Variants in MARCHF3 observed in about 807,000 individuals in gnomAD.
The protein encoded by MARCHF3 is E3 ubiquitin-protein ligase MARCHF3.
MARCHF3 carries 13 observed loss-of-function variants against 24.2 expected under a neutral mutation model. That is an observed-to-expected ratio of 0.54 (90% CI 0.35 to 0.85). The LOEUF is 0.85. MARCHF3 is among the 40% of genes least tolerant of loss of function. MARCHF3 has a pLI of 0.01. For synonymous variants in MARCHF3, 144 were observed against 137.3 expected, an observed-to-expected ratio of 1.05 and a Z score of -0.34; for missense variants, 276 against 325.0, an observed-to-expected ratio of 0.85 and a Z score of 1.16.
At chr5:126,972,245 TA>T (rs747060453) in intron 1 of MARCHF3, among the ~76,000 whole-genome samples, 2,818 of 58,694 alleles carry the variant, frequency 0.048, 72 homozygotes, top group African/African-American at 0.12. Flanking sequence ...ATTAAAGAAC[TA>T]AAAAAAAAAA....
intron 4 of MARCHF3, among the ~76,000 whole-genome samples, chr5:126,873,255 T>G (rs895706564): frequency 5.9e-5 from 9 of 152,080 alleles, no homozygotes. Context: ...TCCTTGTTTG[T>G]AAGATGTGAA....
intron 1 of MARCHF3, among the ~76,000 whole-genome samples, chr5:126,954,106 C>T (rs1750347409): frequency 6.6e-6 from 1 of 151,964 alleles, no homozygotes; most frequent in African/African-American, 2.4e-5. Flanking sequence ...AATCTCCGCT[C>T]ACTGCAAGCT....
chr5:126,994,461 C>T (rs1466830557), intron 1 of MARCHF3, among the ~76,000 whole-genome samples: 2 of 152,078 alleles, frequency 1.3e-5, no homozygotes, highest in Non-Finnish European at 2.9e-5. Context: ...ATGCATTTGT[C>T]AAAATGTATA....
intron 1 of MARCHF3, among the ~76,000 whole-genome samples, chr5:126,922,512 T>TTTATTTATTTA (rs1554065919): frequency 7.0e-6 from 1 of 142,820 alleles, no homozygotes; most frequent in Non-Finnish European, 1.5e-5. Context: ...CATTTCTGTC[T>TTTATTTATTTA]TTTATTTATT....
At chr5:126,931,246 T>G (rs1162707865) in intron 1 of MARCHF3, among the ~76,000 whole-genome samples, 1 of 152,162 alleles carries the variant, frequency 6.6e-6, no homozygotes, top group Non-Finnish European at 1.5e-5. Context: ...TGTTGTTGTT[T>G]TTTGGTTTTT....
chr5:126,870,470 T>G lies in MARCHF3; in HGVS notation c.*163A>C. The stretch of plus-strand genomic sequence containing the variant: ...TTGAAGTAAAACAGCATTTGCTTTC[T>G]TCTGGCGGAGGTTGTTGCTTGGAGT... On this transcript the variant is annotated 3_prime_UTR_variant, in exon 5 of 5. Transcript: ENST00000308660. 1.8e-6 allele frequency: 1 copy of G among 565,820 alleles called. No homozygotes were observed. The highest frequency in any genetic ancestry group is 3.2e-6 in the Non-Finnish European group (1 of 316,906). 35.0% of individuals were successfully genotyped at this position (565,820 alleles called of 1,614,324 possible). A position where few individuals can be genotyped will look rare whatever the true frequency, so the allele number is the denominator to read the frequency against.
intron 1 of MARCHF3, among the ~76,000 whole-genome samples, chr5:127,000,362 T>C (rs372478540): frequency 1.3e-5 from 2 of 152,186 alleles, no homozygotes; most frequent in African/African-American, 4.8e-5. Flanking sequence ...TGTTGGACAG[T>C]TCAGTGGGCC....
intron 1 of MARCHF3, chr5:126,946,232 T>A (rs1580669487): frequency 6.6e-6 from 1 of 151,766 alleles, no homozygotes; most frequent in East Asian, 1.9e-4. Context: ...ATTAGCCAGG[T>A]GTGGTGGCAA....
intron 1 of MARCHF3, 105 bp from the exon 2 acceptor site, chr5:126,918,332 C>T (rs1012703324): frequency 2.8e-6 from 2 of 707,792 alleles, no homozygotes; most frequent in Non-Finnish European, 4.6e-6. Flanking sequence ...ATACAAATAA[C>T]AGGGGTAGCC....
chr5:127,016,812 T>C (rs889970624), intron 1 of MARCHF3, among the ~76,000 whole-genome samples: 4 of 152,166 alleles, frequency 2.6e-5, no homozygotes, highest in African/African-American at 9.7e-5. Flanking sequence ...AACACCTATA[T>C]GTATTGCGGC....
At chr5:126,978,384 T>C (rs975699432) in intron 1 of MARCHF3, among the ~76,000 whole-genome samples, 3 of 151,630 alleles carry the variant, frequency 2.0e-5, no homozygotes, top group African/African-American at 4.9e-5. Flanking sequence ...TGTTGAAGAA[T>C]AGGGAAAGAG....
At chr5:126,952,747 G>A (rs933647025) in intron 1 of MARCHF3, among the ~76,000 whole-genome samples, 5 of 151,876 alleles carry the variant, frequency 3.3e-5, no homozygotes, top group Admixed American at 6.6e-5. Context: ...CTTCAGTTGG[G>A]GAAACTGGCC....
At position 126,868,198 on chromosome 5, in the gene MARCHF3, AG is replaced by A. The variant is rs946311132; in HGVS notation, c.*2434del. 6 of 151,896 alleles carry A rather than the reference AG, an allele frequency of 4.0e-5. No individual in the cohort carries two copies. Among genetic ancestry groups the A allele is most frequent in the Admixed American group, 2.6e-4 (4 of 15,276 alleles). 9.4% of individuals were successfully genotyped at this position (151,896 alleles called of 1,614,324 possible). A position where few individuals can be genotyped will look rare whatever the true frequency, so the allele number is the denominator to read the frequency against. ...AACAAAAGGCACCCCTTCCTGCAGG[AG>A]GTGTAGCCCTTTCCATGGGGCAAGG... On this transcript the variant is annotated 3_prime_UTR_variant, in exon 5 of 5. Transcript: ENST00000308660.
chr5:126,945,120 C>T (rs1046903648), intron 1 of MARCHF3, among the ~76,000 whole-genome samples: 3 of 152,196 alleles, frequency 2.0e-5, no homozygotes, highest in Non-Finnish European at 2.9e-5. Flanking sequence ...GAGAGGCATA[C>T]AGTGGTGTGC....
chr5:127,006,348 ATG>A (rs1752313377), intron 1 of MARCHF3, among the ~76,000 whole-genome samples: 1 of 152,112 alleles, frequency 6.6e-6, no homozygotes, highest in South Asian at 2.1e-4. Context: ...TATTTGTGAT[ATG>A]TTAATTTTGA....
At position 127,010,407 on chromosome 5, in the gene MARCHF3, G is replaced by A. The variant is rs150424605; in HGVS notation, c.-57+19943C>T. On this transcript the variant is annotated intron_variant, in intron 1 of 4. Coordinates refer to ENST00000308660, the MANE Select transcript of MARCHF3 (RefSeq NM_178450.5). ...CAACCTCTGTCAACTCACATTCCCT[G>A]ACAGAAGCCTAGAAAATGAGCTAAC... is the stretch of plus-strand genomic sequence containing the variant. Among the ~76,000 whole-genome samples the A allele has an allele frequency of 9.4e-4, 143 of 152,236 alleles. 1 individual carries two copies. The highest frequency in any genetic ancestry group is 3.2e-3 in the African/African-American group (134 of 41,532).
intron 1 of MARCHF3, among the ~76,000 whole-genome samples, chr5:127,006,767 A>C (rs1752323975): frequency 6.6e-6 from 1 of 152,218 alleles, no homozygotes; most frequent in Non-Finnish European, 1.5e-5. Flanking sequence ...TTCACAATTT[A>C]CTACATAGTA....
At chr5:127,030,063 C>A (rs543738498) in intron 1 of MARCHF3, 1 of 152,254 alleles carries the variant, frequency 6.6e-6, no homozygotes, top group Non-Finnish European at 1.5e-5. Flanking sequence ...CGCTCCATGT[C>A]GTTGCCGCAG....
intron 1 of MARCHF3, among the ~76,000 whole-genome samples, chr5:126,969,124 C>T (rs189013516): frequency 3.9e-5 from 6 of 152,250 alleles, no homozygotes; most frequent in Admixed American, 2.6e-4. Flanking sequence ...TATATTTTAG[C>T]TCTTACAATT....
Sources: allele counts gnomAD v4.1 joint callset (sites outside exome capture counted in the v4.1 genomes callset), GRCh38; gene constraint gnomAD v4.1.1; transcripts MANE v1.5; gene names NCBI Gene and HGNC (gene_info 2026-07-23, HGNC 2026-07-21).